The following BRF1 variants were observed in gnomAD, a reference collection of about 807,000 sequenced individuals.
The protein encoded by BRF1 is BRF1 general transcription factor IIIB subunit.
A neutral mutation model predicts 81.7 loss-of-function variants in BRF1; 59 were observed. The observed-to-expected ratio is 0.72, with a 90% CI of 0.59 to 0.90. The LOEUF is 0.90. BRF1 is among the 40% of genes least tolerant of loss of function. The pLI, the probability that BRF1 is intolerant of heterozygous loss-of-function variation, is 0.00. For synonymous variants in BRF1, 491 were observed against 395.6 expected, an observed-to-expected ratio of 1.24 and a Z score of -2.86; for missense variants, 1,050 against 936.3, an observed-to-expected ratio of 1.12 and a Z score of -1.58.
chr14:105,218,882 G>C, intron 14 of BRF1, 116 bp downstream of exon 14: 28 of 1,450,176 alleles, frequency 1.9e-5, no homozygotes, highest in Non-Finnish European at 2.7e-5. Flanking sequence ...GCCTCCGGCT[G>C]CCTGCCCTGG....
In BRF1 at chr14:105,252,531, GCT is replaced by G. The variant is rs1488951399; in HGVS notation, c.518_519del (p.Glu173AlafsTer68). The G allele has an allele frequency of 1.9e-6, 3 of 1,613,886 alleles. No homozygotes were observed. Among genetic ancestry groups the G allele is most frequent in the Non-Finnish European group, 2.5e-6 (3 of 1,179,986 alleles). ...LGKTFLLLAR[E>X]LCINAPAIDP... ...CCTATGGCCGGCGCATTGATGCAGA[GCT>G]CTCTTGCCAAGAGAAGAAACGTCTT... On this transcript the variant is annotated frameshift_variant, in exon 5 of 18. Coordinates refer to ENST00000547530, the MANE Select transcript of BRF1 (RefSeq NM_001519.4). LOFTEE classifies it high-confidence loss of function.
intron 5 of BRF1, chr14:105,242,461 G>A (rs894607970): frequency 6.6e-6 from 1 of 152,126 alleles, no homozygotes; most frequent in African/African-American, 2.4e-5. Context: ...CATAGGCTGG[G>A]CGCGGTGGCT....
chr14:105,250,283 T>G (rs2055525709), intron 5 of BRF1: 1 of 1,613,104 alleles, frequency 6.2e-7, no homozygotes, highest in Non-Finnish European at 8.5e-7. Flanking sequence ...CCGCGGGCGC[T>G]GCGACAGCAT....
In BRF1 at chr14:105,315,041, C is replaced by G; in HGVS notation, c.-162+281G>C. The G allele has an allele frequency of 8.5e-7, 1 of 1,176,624 alleles. No homozygotes were observed. The highest frequency in any genetic ancestry group is 5.0e-5 in the East Asian group (1 of 19,866). 72.9% of individuals were successfully genotyped at this position (1,176,624 alleles called of 1,614,324 possible). A position where few individuals can be genotyped will look rare whatever the true frequency, so the allele number is the denominator to read the frequency against. On this transcript the variant is annotated intron_variant, in intron 1 of 17. Coordinates refer to the BRF1 transcript ENST00000327359. This position sits in a 1 kb window ranked among gnomAD's most constrained non-coding sequence, Gnocchi z 4.4. ...CCAGCCCCAGCTGCGTGCCCAGGTA[C>G]GCGCCGCCCGCCGCGCTTTGTTCCC...
intron 1 of BRF1, among the ~76,000 whole-genome samples, chr14:105,295,620 A>C (rs1300179424): frequency 6.6e-6 from 1 of 151,630 alleles, no homozygotes; most frequent in African/African-American, 2.4e-5. Context: ...CCCAACCAAA[A>C]AAAAATTTTT....
intron 7 of BRF1, chr14:105,227,552 C>G (rs748550877): frequency 6.6e-6 from 1 of 152,400 alleles, no homozygotes; most frequent in Non-Finnish European, 1.5e-5. Context: ...CACCCCTACC[C>G]GATCCTGCCC....
At chr14:105,291,272 C>T (rs1016466750) in intron 1 of BRF1, among the ~76,000 whole-genome samples, 1 of 152,192 alleles carries the variant, frequency 6.6e-6, no homozygotes, top group Non-Finnish European at 1.5e-5. Flanking sequence ...GACAGAAAGG[C>T]GGGCCAGGGG....
chr14:105,269,629 C>A lies in BRF1; in HGVS notation c.439+3092G>T, dbSNP rs184924708. Among the ~76,000 whole-genome samples, 33 of 152,206 alleles carry A rather than the reference C, an allele frequency of 2.2e-4. No homozygotes were observed. In the South Asian group the frequency reaches 3.3e-3, roughly 15 times the overall value. ...ACACTTAGTAGGAGGATCGCTGGAGCGTGTGGGAACTTTGTGGCTAAAGGT... is the reference window on the plus strand; with the variant it reads ...ACACTTAGTAGGAGGATCGCTGGAGAGTGTGGGAACTTTGTGGCTAAAGGT... On this transcript the variant is annotated intron_variant, in intron 3 of 17. Transcript: ENST00000547530. The surrounding 1 kb of genome is among the most constrained non-coding windows in gnomAD (Gnocchi z 5.0).
chr14:105,270,774 G>A (rs376132992), intron 3 of BRF1, among the ~76,000 whole-genome samples: 86 of 150,834 alleles, frequency 5.7e-4, no homozygotes, highest in African/African-American at 2.0e-3. Flanking sequence ...CTGGGTGACA[G>A]AGCAAGACCC....
intron 15 of BRF1, chr14:105,217,235 C>G (rs1566799864): frequency 4.0e-6 from 2 of 500,030 alleles, no homozygotes; most frequent in Non-Finnish European, 7.2e-6. Flanking sequence ...TTCCCGAACC[C>G]AGGCTGGAGA....
chr14:105,263,647 C>T (rs1015386711), intron 3 of BRF1, among the ~76,000 whole-genome samples: 4 of 151,882 alleles, frequency 2.6e-5, no homozygotes, highest in Non-Finnish European at 2.9e-5. Flanking sequence ...AATTCCCGGC[C>T]GGGCGCGATG....
intron 1 of BRF1, among the ~76,000 whole-genome samples, chr14:105,296,631 A>C (rs1324291678): frequency 1.3e-5 from 2 of 150,994 alleles, no homozygotes; most frequent in African/African-American, 4.9e-5. Flanking sequence ...CAGTGAGCCA[A>C]GATGGTGCCA....
intron 5 of BRF1, chr14:105,249,023 A>G (rs2055379229): frequency 8.6e-7 from 1 of 1,159,014 alleles, no homozygotes; most frequent in Non-Finnish European, 1.1e-6. Flanking sequence ...CGCCGCCCAC[A>G]CTCGGCAACA....
At chr14:105,308,405 C>T (rs917036043) in intron 1 of BRF1, among the ~76,000 whole-genome samples, 9 of 152,008 alleles carry the variant, frequency 5.9e-5, no homozygotes, top group Non-Finnish European at 1.2e-4. Flanking sequence ...TTGCCTGAGC[C>T]CAGGAGACAG....
chr14:105,223,806 A>G (rs778256256), intron 10 of BRF1, among the ~76,000 whole-genome samples: 7 of 152,206 alleles, frequency 4.6e-5, no homozygotes, highest in Admixed American at 1.3e-4. Flanking sequence ...TCACACCTCA[A>G]TAAGGCTGTT....
chr14:105,264,447 G>A (rs1046104200), intron 3 of BRF1, among the ~76,000 whole-genome samples: 6 of 152,002 alleles, frequency 3.9e-5, no homozygotes, highest in South Asian at 2.1e-4. Context: ...GGCGGATCAC[G>A]AGGTCAGGAT....
Position 105,210,277 on chromosome 14 carries a change from G to C in BRF1, c.*274C>G. The C allele has an allele frequency of 8.1e-6, 4 of 495,296 alleles. No homozygotes were observed. In the East Asian group the frequency reaches 1.1e-4, roughly 14 times the overall value. The allele number at this position is 495,296 out of a possible 1,614,324, so 30.7% of individuals were successfully genotyped here. ...CACTGCCAGCCTTGGAGGGTCCTTG[G>C]ATGAGTCGACGGCAGGCAGCGGGAC... On this transcript the variant is annotated 3_prime_UTR_variant, in exon 18 of 18. Coordinates refer to ENST00000547530, the MANE Select transcript of BRF1 (RefSeq NM_001519.4). The surrounding 1 kb of genome is among the most constrained non-coding windows in gnomAD (Gnocchi z 4.7).
chr14:105,292,743 A>G (rs1351802829), intron 1 of BRF1, among the ~76,000 whole-genome samples: 3 of 152,106 alleles, frequency 2.0e-5, no homozygotes, highest in Admixed American at 2.0e-4. Flanking sequence ...AAACAGGGCC[A>G]AGCACGGCAG....
In BRF1 at chr14:105,210,332, G is replaced by C. The variant is rs139395472; in HGVS notation, c.*219C>G. 5.1e-6 allele frequency: 3 copies of C among 585,660 alleles called. No individual in the cohort carries two copies. The highest frequency in any genetic ancestry group is 2.0e-5 in the South Asian group (1 of 50,952). 36.3% of individuals were successfully genotyped at this position (585,660 alleles called of 1,614,324 possible). ...CCCTGCACACACCCGGCCCACATCT[G>C]ATCACACACATGCAGACGCTTGGTC... On this transcript the variant is annotated 3_prime_UTR_variant, in exon 18 of 18. Transcript: ENST00000547530. This position sits in a 1 kb window ranked among gnomAD's most constrained non-coding sequence, Gnocchi z 4.7.
Sources: allele counts gnomAD v4.1 joint callset (sites outside exome capture counted in the v4.1 genomes callset), GRCh38; gene constraint gnomAD v4.1.1; non-coding constraint Gnocchi (gnomAD v3.1); transcripts MANE v1.5; gene names NCBI Gene and HGNC (gene_info 2026-07-23, HGNC 2026-07-21).